The following EXT1 variants were observed in gnomAD, a reference collection of about 807,000 sequenced individuals.
EXT1 encodes the protein exostosin-1.
A neutral mutation model predicts 82.5 loss-of-function variants in EXT1; 20 were observed. The ratio of observed to expected loss-of-function variants is 0.24; its 90% CI spans 0.17 to 0.35. The LOEUF (loss-of-function observed/expected upper bound fraction) is 0.35, where lower values mean the gene tolerates loss of function less well. EXT1 is among the 10% of genes least tolerant of loss of function. The pLI, the probability that EXT1 is intolerant of heterozygous loss-of-function variation, is 1.00. For synonymous variants in EXT1, 348 were observed against 350.8 expected, an observed-to-expected ratio of 0.99 and a Z score of 0.09; for missense variants, 757 against 936.5, an observed-to-expected ratio of 0.81 and a Z score of 2.50.
intron 1 of EXT1, among the ~76,000 whole-genome samples, chr8:117,919,655 C>A (rs1471667140): frequency 6.6e-6 from 1 of 152,000 alleles, no homozygotes; most frequent in African/African-American, 2.4e-5. Context: ...CAGGCACGTG[C>A]TACTATATTT....
chr8:117,930,463 T>C (rs1049663430), intron 1 of EXT1, among the ~76,000 whole-genome samples: 1 of 151,998 alleles, frequency 6.6e-6, no homozygotes, highest in East Asian at 1.9e-4. Flanking sequence ...AGTTGGAAGA[T>C]TATAGACTTA....
intron 1 of EXT1, among the ~76,000 whole-genome samples, chr8:117,938,331 G>A (rs770447167): frequency 3.9e-5 from 6 of 152,192 alleles, no homozygotes; most frequent in Non-Finnish European, 8.8e-5. Context: ...GCATGGTGGC[G>A]GGGACCTGTA....
chr8:117,866,813 A>C (rs1314467932), intron 1 of EXT1, among the ~76,000 whole-genome samples: 1 of 151,936 alleles, frequency 6.6e-6, no homozygotes, highest in Non-Finnish European at 1.5e-5. Context: ...AAAAAAAAAA[A>C]AATGAAGTGC....
rs1817909346 is a variant in EXT1 at position 118,111,742 on chromosome 8, C to T, written c.-696G>A. On this transcript the variant is annotated 5_prime_UTR_variant, in exon 1 of 11. Coordinates refer to ENST00000378204, the MANE Select transcript of EXT1 (RefSeq NM_000127.3). ...CTGGGTGGCGGCGGCGGCGCGTCCT[C>T]CCCGCGGGCAGTGCCGGCCCCGAGC... 6.7e-6 allele frequency: 1 copy of T among 148,228 alleles called. No homozygotes were observed. The highest frequency in any genetic ancestry group is 1.8e-4 in the South Asian group (1 of 5,610). The allele number at this position is 148,228 out of a possible 1,614,324, so 9.2% of individuals were successfully genotyped here.
At chr8:117,931,305 T>C (rs1017418473) in intron 1 of EXT1, among the ~76,000 whole-genome samples, 5 of 152,214 alleles carry the variant, frequency 3.3e-5, no homozygotes, top group Non-Finnish European at 7.3e-5. Context: ...CAGACATGGA[T>C]ACATTTCCTG....
chr8:118,061,104 C>T (rs1816873787), intron 1 of EXT1, among the ~76,000 whole-genome samples: 1 of 152,116 alleles, frequency 6.6e-6, no homozygotes, highest in African/African-American at 2.4e-5. Context: ...TAAGTTAATT[C>T]CCTTCTCCCT....
At chr8:118,081,257 A>G (rs1817323073) in intron 1 of EXT1, among the ~76,000 whole-genome samples, 1 of 152,200 alleles carries the variant, frequency 6.6e-6, no homozygotes, top group African/African-American at 2.4e-5. Context: ...ACCAGATTCC[A>G]ACTGATTTTT....
At chr8:117,994,813 G>A (rs559138984) in intron 1 of EXT1, among the ~76,000 whole-genome samples, 7 of 152,206 alleles carry the variant, frequency 4.6e-5, no homozygotes, top group South Asian at 2.1e-4. Flanking sequence ...TCTAACTGTC[G>A]GATGCAATCA....
At chr8:117,917,388 C>T (rs1813772478) in intron 1 of EXT1, among the ~76,000 whole-genome samples, 1 of 152,070 alleles carries the variant, frequency 6.6e-6, no homozygotes, top group South Asian at 2.1e-4. Context: ...TCACTTGAAC[C>T]CAGGAGGTGG....
At chr8:117,962,770 C>CA (rs1491374310) in intron 1 of EXT1, among the ~76,000 whole-genome samples, 21 of 137,234 alleles carry the variant, frequency 1.5e-4, no homozygotes, top group South Asian at 1.1e-3. Flanking sequence ...CCCCCACCCC[C>CA]AAAAAAAAGA....
intron 1 of EXT1, among the ~76,000 whole-genome samples, chr8:118,016,495 C>T (rs1816006366): frequency 6.6e-6 from 1 of 152,166 alleles, no homozygotes; most frequent in Admixed American, 6.5e-5. Context: ...GGCATGGGAT[C>T]CTGACGTAGG....
chr8:118,019,232 C>T lies in EXT1; in HGVS notation c.962+90853G>A, dbSNP rs538501322. On this transcript the variant is annotated intron_variant, in intron 1 of 10. Coordinates refer to ENST00000378204, the MANE Select transcript of EXT1 (RefSeq NM_000127.3). ...CCCTTTCACTTAGGAAGCAGTAAGA[C>T]ATAGCAGTACGATTGAAAGAAAGAA... Among the ~76,000 whole-genome samples, 9 of 100,920 alleles carry T rather than the reference C, an allele frequency of 8.9e-5. No homozygotes were observed. In the South Asian group the frequency reaches 2.4e-3, roughly 26 times the overall value. The allele number at this position is 100,920 out of a possible 152,430, so 66.2% of individuals were successfully genotyped here.
At chr8:118,006,906 T>G (rs916144364) in intron 1 of EXT1, among the ~76,000 whole-genome samples, 1 of 152,222 alleles carries the variant, frequency 6.6e-6, no homozygotes, top group African/African-American at 2.4e-5. Context: ...AGCGTAGGGC[T>G]GCCAAATCTT....
At chr8:117,926,394 G>C (rs910285672) in intron 1 of EXT1, among the ~76,000 whole-genome samples, 5 of 152,156 alleles carry the variant, frequency 3.3e-5, no homozygotes, top group African/African-American at 7.2e-5. Context: ...TAAAACCCCA[G>C]AGAGGGCCTC....
intron 1 of EXT1, among the ~76,000 whole-genome samples, chr8:118,107,962 C>T (rs149480525): frequency 1.5e-3 from 222 of 152,304 alleles, no homozygotes; most frequent in Middle Eastern, 6.8e-3. Flanking sequence ...TGCTTTTCTA[C>T]GAAATGCCAC....
chr8:117,830,487 A>G, intron 3 of EXT1, 138 bp from the exon 4 acceptor site: 1 of 918,296 alleles, frequency 1.1e-6, no homozygotes, highest in Non-Finnish European at 1.6e-6. Flanking sequence ...AAAATCATCA[A>G]TTCCTAAGTT....
chr8:118,110,610 G>A lies in EXT1; in HGVS notation c.437C>T (p.Ser146Leu), dbSNP rs564568537. ...AAIEGSRFYT[S>L]DPSQACLFVL... ...AAAGAGGCACGCCTGGCTGGGGTCC[G>A]AGGTGTAGAACCTGGAGCCCTCGAT... The change falls in exon 1 of 11, where the codon TCG (serine) becomes TTG (leucine). Residue 146 changes from serine (S) to leucine (L), a missense_variant. Ser to Leu is a moderately radical substitution (Grantham distance 145, BLOSUM62 -2). Around this residue, in one of 4 missense-constraint regions of EXT1, gnomAD observed 247 missense variants for 330.1 expected, o/e 0.75. Coordinates refer to ENST00000378204, the MANE Select transcript of EXT1 (RefSeq NM_000127.3). 3 of 1,614,208 alleles carry A rather than the reference G, an allele frequency of 1.9e-6. No individual in the cohort carries two copies. The highest frequency in any genetic ancestry group is 1.6e-4 in the Middle Eastern group (1 of 6,062).
In EXT1 at chr8:117,798,632, C is replaced by T. The variant is rs771307418; in HGVS notation, c.*1080G>A. ...AAAAATGGCATTAGGGTCCCAATGG[C>T]GAGACATCTCCTCAGTTACTTTGCA... On this transcript the variant is annotated 3_prime_UTR_variant, in exon 11 of 11. Coordinates refer to ENST00000378204, the MANE Select transcript of EXT1 (RefSeq NM_000127.3). The T allele has an allele frequency of 7.2e-5, 11 of 152,162 alleles. No individual in the cohort carries two copies. The highest frequency in any genetic ancestry group is 1.9e-4 in the African/African-American group (8 of 41,440). The allele number at this position is 152,162 out of a possible 1,614,324, so 9.4% of individuals were successfully genotyped here. A position where few individuals can be genotyped will look rare whatever the true frequency, so the allele number is the denominator to read the frequency against.
chr8:117,829,575 T>TTTTC (rs1554579551), intron 4 of EXT1, among the ~76,000 whole-genome samples: 3 of 119,208 alleles, frequency 2.5e-5, no homozygotes, highest in Non-Finnish European at 5.1e-5. Context: ...TTTTCTTTTT[T>TTTTC]TTTTTTTTTT....
Sources: gnomAD v4.1 joint callset for allele counts (sites outside exome capture counted in the v4.1 genomes callset) on GRCh38, gnomAD v4.1.1 for gene constraint, gnomAD v4.1.1 regional missense constraint, MANE v1.5 for transcripts, NCBI Gene and HGNC (gene_info 2026-07-23, HGNC 2026-07-21) for gene names.